Variants in DIAPH2 observed in about 807,000 individuals in gnomAD.
DIAPH2 encodes protein diaphanous homolog 2.
DIAPH2 carries 35 observed loss-of-function variants against 92.7 expected under a neutral mutation model. That is an observed-to-expected ratio of 0.38 (90% CI 0.29 to 0.50). The LOEUF is 0.50. Ranked by LOEUF, DIAPH2 falls within the 20% of genes least tolerant of loss-of-function variation. The probability of loss-of-function intolerance (pLI) is 0.94; values close to 1 mark genes in which losing one functional copy is unlikely to be tolerated. For missense variants in DIAPH2, 701 were observed against 819.5 expected (o/e 0.86, Z 1.77); for synonymous variants, 301 against 280.4 (o/e 1.07, Z -0.73).
intron 25 of DIAPH2, among the ~76,000 whole-genome samples, chrX:97,408,881 C>T (rs987810147): frequency 2.0e-4 from 22 of 111,761 alleles, no homozygotes; most frequent in East Asian, 5.6e-4. Context: ...AGTAGCCTAA[C>T]GGGGAGTTGA....
chrX:97,240,454 AAGTT>A (rs1286762584), intron 22 of DIAPH2, among the ~76,000 whole-genome samples: 2 of 110,397 alleles, frequency 1.8e-5, no homozygotes, highest in African/African-American at 3.3e-5. Flanking sequence ...AAAATACAAA[AAGTT>A]AGCCGGGCGT....
intron 26 of DIAPH2, among the ~76,000 whole-genome samples, chrX:97,595,923 C>T (rs749903523): frequency 2.3e-4 from 26 of 112,170 alleles, no homozygotes; most frequent in Admixed American, 1.1e-3. Flanking sequence ...TGAGCCACCG[C>T]GCCTGACCCA....
At chrX:97,105,406 T>C (rs985125661) in intron 20 of DIAPH2, among the ~76,000 whole-genome samples, 1 of 111,955 alleles carries the variant, frequency 8.9e-6, no homozygotes, top group African/African-American at 3.2e-5. Context: ...TATTGTATGA[T>C]CAATAATCTT....
chrX:97,067,974 C>G (rs1569293298), intron 17 of DIAPH2, among the ~76,000 whole-genome samples: 1 of 111,677 alleles, frequency 9.0e-6, no homozygotes, highest in Non-Finnish European at 1.9e-5. Context: ...TTATGACAAG[C>G]ATACCTTCAA....
intron 22 of DIAPH2, among the ~76,000 whole-genome samples, chrX:97,146,331 A>G (rs1344023954): frequency 1.8e-5 from 2 of 110,367 alleles, no homozygotes; most frequent in Admixed American, 1.9e-4. Flanking sequence ...AAACAAAAAC[A>G]AAAGATTGTC....
intron 22 of DIAPH2, among the ~76,000 whole-genome samples, chrX:97,146,580 GA>G (rs907796495): frequency 5.4e-5 from 6 of 110,824 alleles, no homozygotes; most frequent in East Asian, 5.6e-4. Context: ...TGGCAAAGGG[GA>G]AAAAAATCAC....
chrX:96,762,240 A>G (rs186844481), intron 4 of DIAPH2, among the ~76,000 whole-genome samples: 14 of 111,469 alleles, frequency 1.3e-4, no homozygotes, highest in Non-Finnish European at 2.5e-4. Context: ...GTTTAGGACT[A>G]TGAGTTTACT....
chrX:97,300,066 A>C (rs1274369964), intron 23 of DIAPH2, among the ~76,000 whole-genome samples: 2 of 112,348 alleles, frequency 1.8e-5, no homozygotes, highest in African/African-American at 6.4e-5. Flanking sequence ...CAAGAATTCT[A>C]TTCCCAGTTG....
intron 21 of DIAPH2, among the ~76,000 whole-genome samples, chrX:97,135,421 T>A (rs1426142563): frequency 9.0e-6 from 1 of 111,247 alleles, no homozygotes; most frequent in Non-Finnish European, 1.9e-5. Context: ...TTGGCCAGGC[T>A]GGTCTCAAAC....
chrX:96,921,875 AC>A (rs1466174139), intron 9 of DIAPH2, among the ~76,000 whole-genome samples: 5 of 110,368 alleles, frequency 4.5e-5, no homozygotes, highest in African/African-American at 1.6e-4. Context: ...ACTTTTTTAA[AC>A]AATTTTGTCC....
chrX:96,826,455 AT>A (rs952427525), intron 4 of DIAPH2, among the ~76,000 whole-genome samples: 1 of 111,271 alleles, frequency 9.0e-6, no homozygotes, highest in African/African-American at 3.3e-5. Flanking sequence ...GGTTAAAGCC[AT>A]TAAAAAACCC....
chrX:97,523,224 T>C (rs2071002996), intron 26 of DIAPH2, among the ~76,000 whole-genome samples: 1 of 111,687 alleles, frequency 9.0e-6, no homozygotes, highest in Non-Finnish European at 1.9e-5. Flanking sequence ...CTTTTGCATC[T>C]CCATACCTCC....
chrX:97,041,406 C>A (rs2066447612), intron 17 of DIAPH2, among the ~76,000 whole-genome samples: 1 of 111,469 alleles, frequency 9.0e-6, no homozygotes, highest in Admixed American at 9.5e-5. Flanking sequence ...CAGAGAAGTG[C>A]AGTGTGGGAG....
At chrX:96,750,513 G>A (rs1196423822) in intron 3 of DIAPH2, among the ~76,000 whole-genome samples, 1 of 111,349 alleles carries the variant, frequency 9.0e-6, no homozygotes, top group Non-Finnish European at 1.9e-5. Flanking sequence ...TCAACTTCTT[G>A]CAATGGCCTT....
At chrX:96,924,100 G>T (rs1459989376) in intron 9 of DIAPH2, among the ~76,000 whole-genome samples, 1 of 111,570 alleles carries the variant, frequency 9.0e-6, no homozygotes, top group African/African-American at 3.3e-5. Flanking sequence ...CACATATGAG[G>T]GAGTAGCTTT....
At chrX:97,307,363 C>T (rs1028743184) in intron 23 of DIAPH2, among the ~76,000 whole-genome samples, 2 of 111,428 alleles carry the variant, frequency 1.8e-5, no homozygotes, top group African/African-American at 6.5e-5. Context: ...GTCTGAAACA[C>T]TCCTGCACTT....
At chrX:97,154,110 A>G (rs1033580362) in intron 22 of DIAPH2, among the ~76,000 whole-genome samples, 14 of 111,687 alleles carry the variant, frequency 1.3e-4, no homozygotes, top group Non-Finnish European at 2.1e-4. Flanking sequence ...GCTAATGTTT[A>G]TGCTCGGCAC....
In DIAPH2 at chrX:97,604,119, A is replaced by AAAC. The variant is rs1225821530; in HGVS notation, c.*4804_*4806dup. The AAAC allele has an allele frequency of 9.0e-6, 1 of 111,684 alleles. No homozygotes were observed. Among genetic ancestry groups the AAAC allele is most frequent in the Non-Finnish European group, 1.9e-5 (1 of 53,015 alleles). The allele number at this position is 111,684 out of a possible 1,213,427, so 9.2% of individuals were successfully genotyped here. On this transcript the variant is annotated 3_prime_UTR_variant, in exon 27 of 27. Transcript: ENST00000324765. The stretch of plus-strand genomic sequence containing the variant: ...GAACGTCTTCTGGAGACTCTAAGGG[A>AAAC]AACACTCTTCCCGTGTCTTCCAGTT...
intron 22 of DIAPH2, among the ~76,000 whole-genome samples, chrX:97,204,223 A>G (rs2067776879): frequency 8.9e-6 from 1 of 112,067 alleles, no homozygotes; most frequent in African/African-American, 3.2e-5. Context: ...ATCATACTGA[A>G]TGGGCAATAG....
Sources: allele counts gnomAD v4.1 joint callset (sites outside exome capture counted in the v4.1 genomes callset), GRCh38; gene constraint gnomAD v4.1.1; transcripts MANE v1.5; gene names NCBI Gene and HGNC (gene_info 2026-07-23, HGNC 2026-07-21).